Variants in APBA2 observed in about 807,000 individuals in gnomAD.
APBA2 encodes the protein amyloid-beta A4 precursor protein-binding family A member 2.
In APBA2, 30 loss-of-function variants were observed where a neutral mutation model predicts 75.0. That is an observed-to-expected ratio of 0.40 (90% CI 0.30 to 0.54). The LOEUF (loss-of-function observed/expected upper bound fraction) is 0.54. Ranked by LOEUF, APBA2 falls within the 20% of genes least tolerant of loss-of-function variation. The pLI, the probability that APBA2 is intolerant of heterozygous loss-of-function variation, is 0.49. For missense variants in APBA2, 801 were observed against 1,016.1 expected (o/e 0.79, Z 2.88); for synonymous variants, 444 against 409.6 (o/e 1.08, Z -1.01).
At chr15:28,957,374 C>A (rs755722665) in intron 2 of APBA2, among the ~76,000 whole-genome samples, 4 of 152,188 alleles carry the variant, frequency 2.6e-5, no homozygotes, top group Non-Finnish European at 2.9e-5. Flanking sequence ...CTACTGCGCC[C>A]GGCCTGAGCT....
chr15:28,959,592 C>T (rs1426718795), intron 2 of APBA2, among the ~76,000 whole-genome samples: 1 of 152,226 alleles, frequency 6.6e-6, no homozygotes, highest in African/African-American at 2.4e-5. Context: ...TTCCAGTCGC[C>T]AGAACTGGAA....
chr15:29,047,758 C>G (rs2041407829), intron 3 of APBA2, among the ~76,000 whole-genome samples: 1 of 152,006 alleles, frequency 6.6e-6, no homozygotes, highest in Non-Finnish European at 1.5e-5. Flanking sequence ...ACATCATTTA[C>G]CTAGAAAAAC....
chr15:28,992,584 A>G (rs557365371), intron 2 of APBA2, among the ~76,000 whole-genome samples: 1 of 152,320 alleles, frequency 6.6e-6, no homozygotes, highest in South Asian at 2.1e-4. Flanking sequence ...GTTTGAAGTC[A>G]GGCAGCTGAG....
At chr15:29,099,765 GTGGGAGGA>G (rs2044026733) in intron 9 of APBA2, among the ~76,000 whole-genome samples, 1 of 152,328 alleles carries the variant, frequency 6.6e-6, no homozygotes, top group East Asian at 1.9e-4. Flanking sequence ...CACACCTGGG[GTGGGAGGA>G]TGGGCTTGGG....
chr15:29,044,188 T>C (rs1233603524), intron 3 of APBA2: 3 of 152,230 alleles, frequency 2.0e-5, no homozygotes, highest in Non-Finnish European at 4.4e-5. Context: ...GCTATATTAC[T>C]AGCTCTTCTA....
chr15:29,083,412 T>G (rs892893092), intron 6 of APBA2, among the ~76,000 whole-genome samples: 2 of 152,182 alleles, frequency 1.3e-5, no homozygotes, highest in African/African-American at 4.8e-5. Flanking sequence ...GTAGGGCTAC[T>G]TTCAGACCTT....
chr15:29,104,802 G>A (rs1000220542), intron 10 of APBA2, among the ~76,000 whole-genome samples: 2 of 152,178 alleles, frequency 1.3e-5, no homozygotes, highest in Non-Finnish European at 2.9e-5. Context: ...ATACAGATGG[G>A]GTCAGGTGCA....
chr15:29,024,522 G>T (rs1288632984), intron 3 of APBA2, among the ~76,000 whole-genome samples: 1 of 152,142 alleles, frequency 6.6e-6, no homozygotes, highest in Non-Finnish European at 1.5e-5. Context: ...CCTCTCTATT[G>T]CAGAGACTCA....
At chr15:28,895,253 C>G (rs1337575837) in intron 1 of APBA2, among the ~76,000 whole-genome samples, 1 of 152,198 alleles carries the variant, frequency 6.6e-6, no homozygotes, top group Non-Finnish European at 1.5e-5. Flanking sequence ...GCAGGTGTGG[C>G]CTCCCTGCTG....
At chr15:28,937,419 G>A (rs1024686018) in intron 2 of APBA2, among the ~76,000 whole-genome samples, 3 of 152,168 alleles carry the variant, frequency 2.0e-5, no homozygotes, top group East Asian at 1.9e-4. Context: ...TGCAGAGTGC[G>A]CTTGGGGTGT....
rs988529775 is a variant in APBA2, at chr15:29,035,595, G to A, written c.-40-18250G>A. ...GGAAGCTGCTAATGTGTTTTTCTGG[G>A]ACATCATCATGGGATTTTTATTATT... On this transcript the variant is annotated intron_variant, in intron 3 of 14. Transcript: ENST00000683413. 2.6e-5 allele frequency among the ~76,000 whole-genome samples: 4 copies of A among 152,146 alleles called. No homozygotes were observed. The South Asian group carries it at 6.2e-4, about 24-fold the overall frequency.
chr15:29,071,588 G>A (rs1347585643), intron 4 of APBA2, among the ~76,000 whole-genome samples: 1 of 147,132 alleles, frequency 6.8e-6, no homozygotes, highest in South Asian at 2.3e-4. Flanking sequence ...GATTTAAATA[G>A]TATCTTTATC....
chr15:28,954,665 A>G (rs77420407), intron 2 of APBA2, among the ~76,000 whole-genome samples: 4,643 of 152,218 alleles, frequency 0.031, 251 homozygotes, highest in African/African-American at 0.11. Context: ...CACAGTCCTG[A>G]CATCTTCTTG....
At chr15:28,983,532 C>CT (rs1309694431) in intron 2 of APBA2, among the ~76,000 whole-genome samples, 1 of 152,226 alleles carries the variant, frequency 6.6e-6, no homozygotes, top group Non-Finnish European at 1.5e-5. Flanking sequence ...TCAAATTTGA[C>CT]TTTTCTCTTC....
At chr15:29,062,418 G>C (rs1180860264) in intron 4 of APBA2, among the ~76,000 whole-genome samples, 5 of 152,150 alleles carry the variant, frequency 3.3e-5, no homozygotes, top group African/African-American at 1.2e-4. Context: ...AATCCTACGG[G>C]TGTGCATTGA....
At chr15:28,969,024 A>G (rs899986091) in intron 2 of APBA2, among the ~76,000 whole-genome samples, 4 of 151,416 alleles carry the variant, frequency 2.6e-5, no homozygotes, top group Admixed American at 2.6e-4. Flanking sequence ...TAATGCCAGC[A>G]CTCTCGGAAG....
chr15:29,034,244 C>G lies in APBA2; in HGVS notation c.-40-19601C>G, dbSNP rs574270706. Among the ~76,000 whole-genome samples the G allele has an allele frequency of 2.6e-5, 4 of 152,268 alleles. No individual in the cohort carries two copies. The East Asian group carries it at 7.7e-4, about 29-fold the overall frequency. Reference sequence around the variant, plus strand: ...GGTTGAGCTCAATATCTAGCCTTCCCAGAAGTCAGGCTGGTAGCCCGTGTC... The same window carrying G: ...GGTTGAGCTCAATATCTAGCCTTCCGAGAAGTCAGGCTGGTAGCCCGTGTC... On this transcript the variant is annotated intron_variant, in intron 3 of 14. Transcript: ENST00000683413.
At chr15:28,968,626 A>T (rs372769008) in intron 2 of APBA2, among the ~76,000 whole-genome samples, 1 of 152,162 alleles carries the variant, frequency 6.6e-6, no homozygotes, top group African/African-American at 2.4e-5. Context: ...TTGATGCTCA[A>T]TGCCCCTGTT....
chr15:28,899,932 G>A (rs2032749215), intron 1 of APBA2, among the ~76,000 whole-genome samples: 1 of 152,216 alleles, frequency 6.6e-6, no homozygotes, highest in African/African-American at 2.4e-5. Flanking sequence ...GATGCTTTGC[G>A]ACACAGTGGT....
Sources: gnomAD v4.1 joint callset for allele counts (sites outside exome capture counted in the v4.1 genomes callset) on GRCh38, gnomAD v4.1.1 for gene constraint, MANE v1.5 for transcripts, NCBI Gene and HGNC (gene_info 2026-07-23, HGNC 2026-07-21) for gene names.